CNTN3: variants seen among roughly 807,000 people sequenced by gnomAD.
CNTN3 encodes the protein contactin-3.
In CNTN3, 60 loss-of-function variants were observed where a neutral mutation model predicts 119.1. That is an observed-to-expected ratio of 0.50 (90% CI 0.41 to 0.62). The LOEUF (loss-of-function observed/expected upper bound fraction) is 0.62, where lower values mean the gene tolerates loss of function less well. Among genes scored for constraint, CNTN3 ranks in the 20% least tolerant of loss-of-function variants. CNTN3 has a pLI of 0.00. For synonymous variants in CNTN3, 450 were observed against 438.7 expected (o/e 1.03, Z -0.32); for missense variants, 1,101 against 1,242.4 (o/e 0.89, Z 1.71).
At chr3:74,418,645 A>G (rs1245546770) in intron 5 of CNTN3, among the ~76,000 whole-genome samples, 1 of 151,156 alleles carries the variant, frequency 6.6e-6, no homozygotes, top group African/African-American at 2.4e-5. Flanking sequence ...CCAGCTAGAA[A>G]GCATATTCTT....
intron 4 of CNTN3, among the ~76,000 whole-genome samples, chr3:74,451,923 T>C (rs1702164488): frequency 1.6e-5 from 2 of 125,150 alleles, no homozygotes; most frequent in Admixed American, 1.6e-4. Context: ...TGTAGCCTTG[T>C]AGTATAGTTT....
chr3:74,607,843 A>C (rs2106714112), intron 1 of CNTN3, among the ~76,000 whole-genome samples: 1 of 152,352 alleles, frequency 6.6e-6, no homozygotes, highest in South Asian at 2.1e-4. Context: ...TCTTTAAGTT[A>C]AAATCCTAGA....
intron 2 of CNTN3, among the ~76,000 whole-genome samples, chr3:74,520,594 T>A (rs1161094686): frequency 6.6e-6 from 1 of 151,426 alleles, no homozygotes; most frequent in Non-Finnish European, 1.5e-5. Context: ...AATTTCAAAT[T>A]TTCCAAAATT....
chr3:74,447,252 G>A (rs1026012548), intron 4 of CNTN3, among the ~76,000 whole-genome samples: 3 of 152,282 alleles, frequency 2.0e-5, no homozygotes, highest in South Asian at 2.1e-4. Context: ...GTTAGGAGCT[G>A]TGGCCTCCAG....
At chr3:74,373,607 A>G (rs1704396240) in intron 5 of CNTN3, among the ~76,000 whole-genome samples, 1 of 152,236 alleles carries the variant, frequency 6.6e-6, no homozygotes. Flanking sequence ...TTATACAGTA[A>G]TAAGAATATA....
At chr3:74,595,797 T>A (rs909977260) in intron 1 of CNTN3, among the ~76,000 whole-genome samples, 9 of 152,156 alleles carry the variant, frequency 5.9e-5, no homozygotes, top group African/African-American at 2.2e-4. Context: ...GGATGCCCTC[T>A]CTCACCACTC....
intron 1 of CNTN3, among the ~76,000 whole-genome samples, chr3:74,551,548 C>A (rs1703990229): frequency 6.6e-6 from 1 of 151,860 alleles, no homozygotes; most frequent in Non-Finnish European, 1.5e-5. Flanking sequence ...TGGATTTGGA[C>A]CAATGTATCC....
intron 5 of CNTN3, among the ~76,000 whole-genome samples, chr3:74,411,484 G>C (rs75739524): frequency 0.033 from 5,081 of 152,132 alleles, 292 homozygotes; most frequent in African/African-American, 0.12. Context: ...CTCTTTGATA[G>C]GTAAAATCAA....
At chr3:74,364,992 A>C (rs527504655) in intron 9 of CNTN3, among the ~76,000 whole-genome samples, 1 of 152,290 alleles carries the variant, frequency 6.6e-6, no homozygotes, top group African/African-American at 2.4e-5. Context: ...CATGCAAGTT[A>C]AAAACATTAT....
chr3:74,304,942 T>C (rs943016429), intron 13 of CNTN3, among the ~76,000 whole-genome samples: 1 of 152,148 alleles, frequency 6.6e-6, no homozygotes, highest in African/African-American at 2.4e-5. Flanking sequence ...ATTAATAAAA[T>C]ATATTTGTAT....
intron 2 of CNTN3, among the ~76,000 whole-genome samples, chr3:74,508,590 T>G (rs1703307596): frequency 6.6e-6 from 1 of 152,178 alleles, no homozygotes; most frequent in African/African-American, 2.4e-5. Flanking sequence ...AAAGTAAACA[T>G]ACAACTGATA....
At chr3:74,486,758 T>C (rs1702867363) in intron 3 of CNTN3, 127 bp from the exon 4 acceptor site, 1 of 733,612 alleles carries the variant, frequency 1.4e-6, no homozygotes. Context: ...TATTCAAGTG[T>C]TACATAACTG....
chr3:74,452,140 C>A (rs898781303), intron 4 of CNTN3, among the ~76,000 whole-genome samples: 3 of 142,602 alleles, frequency 2.1e-5, no homozygotes, highest in African/African-American at 7.9e-5. Flanking sequence ...ATTCTTCCTA[C>A]CCATGAGCAT....
intron 5 of CNTN3, among the ~76,000 whole-genome samples, chr3:74,375,046 G>A (rs1704445460): frequency 6.6e-6 from 1 of 152,050 alleles, no homozygotes; most frequent in Non-Finnish European, 1.5e-5. Flanking sequence ...TTGTATCTCA[G>A]CAGCACAGTA....
intron 4 of CNTN3, among the ~76,000 whole-genome samples, chr3:74,480,706 G>A (rs976720500): frequency 5.0e-5 from 5 of 99,034 alleles, no homozygotes; most frequent in African/African-American, 1.3e-4. Context: ...GAAGATAAAC[G>A]AAACATTAGC....
chr3:74,266,370 G>T lies in CNTN3; in HGVS notation c.2986+111C>A, dbSNP rs111399771. On this transcript the variant is annotated intron_variant, in intron 22 of 22. Transcript: ENST00000263665. ...CCTGCCAAAACCTTACCGGCATTTG[G>T]ATGTAAGCCTTGCTGGAAAGAAAGA... The T allele has an allele frequency of 1.3e-4, 146 of 1,140,724 alleles. No homozygotes were observed. The African/African-American group carries it at 2.0e-3, about 15-fold the overall frequency. The allele number at this position is 1,140,724 out of a possible 1,614,324, so 70.7% of individuals were successfully genotyped here. A position where few individuals can be genotyped will look rare whatever the true frequency, so the allele number is the denominator to read the frequency against.
intron 13 of CNTN3, among the ~76,000 whole-genome samples, chr3:74,306,437 G>A (rs1702565193): frequency 6.6e-6 from 1 of 152,002 alleles, no homozygotes; most frequent in African/African-American, 2.4e-5. Context: ...ATAAAAAATA[G>A]CTTATCTGTT....
intron 4 of CNTN3, among the ~76,000 whole-genome samples, chr3:74,456,504 A>C (rs934039254): frequency 3.9e-5 from 6 of 152,094 alleles, no homozygotes; most frequent in Non-Finnish European, 5.9e-5. Flanking sequence ...TTGGAGCAGC[A>C]AAGTACAATG....
At chr3:74,388,373 C>T (rs1033994226) in intron 5 of CNTN3, among the ~76,000 whole-genome samples, 1 of 151,980 alleles carries the variant, frequency 6.6e-6, no homozygotes, top group South Asian at 2.1e-4. Context: ...AACTGAGTGG[C>T]TTTCGAATCA....
Sources: gnomAD v4.1 joint callset for allele counts (sites outside exome capture counted in the v4.1 genomes callset) on GRCh38, gnomAD v4.1.1 for gene constraint, MANE v1.5 for transcripts, NCBI Gene and HGNC (gene_info 2026-07-23, HGNC 2026-07-21) for gene names.